Variants in PPFIBP1 observed in about 807,000 individuals in gnomAD.
The protein encoded by PPFIBP1 is PPFIB scaffold protein 1.
Under a neutral mutation model 137.8 loss-of-function variants are expected in PPFIBP1, and 112 were observed. The ratio of observed to expected loss-of-function variants is 0.81; its 90% CI spans 0.70 to 0.95. The LOEUF is 0.95. Ranked by LOEUF, PPFIBP1 falls within the 40% of genes least tolerant of loss-of-function variation. The pLI, the probability that PPFIBP1 is intolerant of heterozygous loss-of-function variation, is 0.00. For synonymous variants in PPFIBP1, 378 were observed against 417.3 expected (o/e 0.91, Z 1.15); for missense variants, 1,083 against 1,196.6 (o/e 0.91, Z 1.40).
chr12:27,637,762 C>T (rs140844935), intron 4 of PPFIBP1, among the ~76,000 whole-genome samples: 99 of 152,176 alleles, frequency 6.5e-4, no homozygotes, highest in East Asian at 5.2e-3. Flanking sequence ...ACACCTACCA[C>T]GATAGACTTT....
intron 7 of PPFIBP1, among the ~76,000 whole-genome samples, chr12:27,651,430 T>C (rs2139647540): frequency 1.3e-5 from 2 of 152,310 alleles, no homozygotes; most frequent in East Asian, 3.9e-4. Flanking sequence ...TAAAACTCTT[T>C]GTCAGTTGCC....
chr12:27,662,561 G>A (rs1047029179), intron 11 of PPFIBP1, among the ~76,000 whole-genome samples: 11 of 152,130 alleles, frequency 7.2e-5, no homozygotes, highest in African/African-American at 2.7e-4. Flanking sequence ...AGAAATTTAC[G>A]GGTTGACAAG....
intron 27 of PPFIBP1, among the ~76,000 whole-genome samples, chr12:27,691,474 T>G (rs995066731): frequency 1.2e-4 from 18 of 152,178 alleles, no homozygotes; most frequent in Non-Finnish European, 1.9e-4. Context: ...CGGTGACTAT[T>G]CAGCTATTTG....
intron 2 of PPFIBP1, among the ~76,000 whole-genome samples, chr12:27,580,906 C>CT (rs1441476891): frequency 7.3e-6 from 1 of 137,896 alleles, no homozygotes; most frequent in African/African-American, 3.0e-5. Flanking sequence ...ATACATTATA[C>CT]TCTTTTTTTT....
At chr12:27,634,147 T>A (rs1298934062) in intron 3 of PPFIBP1, among the ~76,000 whole-genome samples, 291 of 150,338 alleles carry the variant, frequency 1.9e-3, no homozygotes, top group African/African-American at 6.8e-3. Context: ...ATCTTTTTTT[T>A]TTTTTTTTTT....
chr12:27,683,317 G>A (rs1023631673), intron 24 of PPFIBP1, among the ~76,000 whole-genome samples: 3 of 152,100 alleles, frequency 2.0e-5, no homozygotes, highest in African/African-American at 7.2e-5. Flanking sequence ...TGCCTGCCTC[G>A]GCCTCCCAAA....
chr12:27,580,674 C>T (rs115421822), intron 2 of PPFIBP1, among the ~76,000 whole-genome samples: 1 of 152,132 alleles, frequency 6.6e-6, no homozygotes, highest in Non-Finnish European at 1.5e-5. Context: ...GTAGTGAATA[C>T]TAACAAAAAA....
intron 1 of PPFIBP1, chr12:27,548,185 A>G (rs1202535646): frequency 6.6e-6 from 1 of 152,198 alleles, no homozygotes; most frequent in Non-Finnish European, 1.5e-5. Context: ...CTGACCCATA[A>G]TTGAATAATT....
chr12:27,633,833 A>AT (rs2057436231), intron 3 of PPFIBP1, among the ~76,000 whole-genome samples: 1 of 81,702 alleles, frequency 1.2e-5, no homozygotes, highest in East Asian at 3.1e-4. Flanking sequence ...TGACTCCCGT[A>AT]TCTTTTTTTT....
intron 2 of PPFIBP1, among the ~76,000 whole-genome samples, chr12:27,585,325 T>C (rs1259098022): frequency 3.9e-5 from 6 of 152,254 alleles, no homozygotes; most frequent in African/African-American, 1.2e-4. Flanking sequence ...CTTTGTCTAT[T>C]GTATAAAACT....
At chr12:27,570,220 C>T (rs1415082757) in intron 1 of PPFIBP1, among the ~76,000 whole-genome samples, 1 of 152,080 alleles carries the variant, frequency 6.6e-6, no homozygotes, top group African/African-American at 2.4e-5. Context: ...AATATATACA[C>T]TTAAATAAAG....
rs763610964 is a variant in PPFIBP1, at chr12:27,650,051, T to C, written c.513T>C (p.Asp171=). ...CATCCTTAGAAACTCAGAAGTTGGA[T>C]CTGATGGCTGAAATATCTAACTTGA... ...SRTSLETQKL[D]LMAEISNLKL... is the part of the protein sequence containing the mutation. Residue 171 remains aspartate, a synonymous_variant, in exon 7 of 30, where the codon GAT becomes GAC. Transcript: ENST00000228425. 56 of 1,602,496 alleles carry C rather than the reference T, an allele frequency of 3.5e-5. No individual in the cohort carries two copies. Among genetic ancestry groups the C allele is most frequent in the Admixed American group, 1.0e-4 (6 of 59,980 alleles).
chr12:27,596,937 C>T (rs2053381268), intron 2 of PPFIBP1, among the ~76,000 whole-genome samples: 2 of 152,180 alleles, frequency 1.3e-5, no homozygotes, highest in African/African-American at 4.8e-5. Context: ...CATATCCTAA[C>T]CTCTACACAC....
chr12:27,553,391 C>T (rs1322025215), intron 1 of PPFIBP1, among the ~76,000 whole-genome samples: 10 of 152,036 alleles, frequency 6.6e-5, no homozygotes, highest in Non-Finnish European at 1.3e-4. Context: ...TCTGTCTTAC[C>T]GATAGGTTGC....
chr12:27,642,129 G>A (rs928480136), intron 4 of PPFIBP1, among the ~76,000 whole-genome samples: 1 of 152,162 alleles, frequency 6.6e-6, no homozygotes, highest in African/African-American at 2.4e-5. Context: ...GAGGGATAAA[G>A]CGTTTTAGAT....
chr12:27,538,681 T>C (rs528615033), intron 1 of PPFIBP1, among the ~76,000 whole-genome samples: 2 of 152,322 alleles, frequency 1.3e-5, no homozygotes, highest in African/African-American at 4.8e-5. Context: ...TCAACCAATA[T>C]GCATTAGGCC....
intron 1 of PPFIBP1, among the ~76,000 whole-genome samples, chr12:27,555,152 G>A (rs2048610946): frequency 1.3e-5 from 2 of 152,078 alleles, no homozygotes; most frequent in South Asian, 2.1e-4. Context: ...GAAAATATTC[G>A]GGCTTTCAGC....
At chr12:27,594,157 T>A in intron 2 of PPFIBP1, 1 of 447,666 alleles carries the variant, frequency 2.2e-6, no homozygotes, top group Non-Finnish European at 3.7e-6. Context: ...GCAAAAACAT[T>A]ATCCATCCCC....
At chr12:27,627,803 T>A (rs1288938546) in intron 2 of PPFIBP1, among the ~76,000 whole-genome samples, 2 of 150,060 alleles carry the variant, frequency 1.3e-5, no homozygotes, top group Non-Finnish European at 3.0e-5. Flanking sequence ...TGAACATATT[T>A]CTGTTGGTTA....
Sources: allele counts gnomAD v4.1 joint callset (sites outside exome capture counted in the v4.1 genomes callset), GRCh38; gene constraint gnomAD v4.1.1; transcripts MANE v1.5; gene names NCBI Gene and HGNC (gene_info 2026-07-23, HGNC 2026-07-21).